SNX25: variants seen among roughly 807,000 people sequenced by gnomAD.
SNX25 encodes the protein sorting nexin-25.
In SNX25, 62 loss-of-function variants were observed where a neutral mutation model predicts 113.7. The observed-to-expected ratio is 0.55, with a 90% CI of 0.44 to 0.67. The LOEUF (loss-of-function observed/expected upper bound fraction) is 0.67. Among genes scored for constraint, SNX25 ranks in the 30% least tolerant of loss-of-function variants. The pLI, the probability that SNX25 is intolerant of heterozygous loss-of-function variation, is 0.00. For missense variants in SNX25, 1,014 were observed against 1,161.0 expected (o/e 0.87, Z 1.84); for synonymous variants, 421 against 436.2 (o/e 0.97, Z 0.43).
At chr4:185,289,629 G>T (rs1751869840) in intron 6 of SNX25, among the ~76,000 whole-genome samples, 1 of 152,178 alleles carries the variant, frequency 6.6e-6, no homozygotes. Context: ...GGGCTTTTGA[G>T]CTAAGGAGAC....
intron 1 of SNX25, among the ~76,000 whole-genome samples, chr4:185,244,651 TA>T (rs1744569530): frequency 6.6e-6 from 1 of 152,138 alleles, no homozygotes; most frequent in African/African-American, 2.4e-5. Flanking sequence ...TTTTATGCAT[TA>T]AATGTCTTTG....
chr4:185,206,623 C>T (rs1385643356), upstream of SNX25, among the ~76,000 whole-genome samples: 3 of 142,536 alleles, frequency 2.1e-5, no homozygotes, highest in South Asian at 2.2e-4. Flanking sequence ...TGCGCCATTG[C>T]ACTCCAGCCT....
intron 6 of SNX25, chr4:185,295,977 T>C (rs1752784615): frequency 6.6e-6 from 1 of 152,178 alleles, no homozygotes; most frequent in Non-Finnish European, 1.5e-5. Flanking sequence ...AATTTATTTC[T>C]TACTTATCTG....
At chr4:185,346,929 C>T (rs558407182) in intron 13 of SNX25, among the ~76,000 whole-genome samples, 44 of 152,344 alleles carry the variant, frequency 2.9e-4, no homozygotes, top group African/African-American at 9.1e-4. Flanking sequence ...TTCCTCCCAT[C>T]GCTGCAGCCC....
At chr4:185,212,964 T>C (rs1738186670) in intron 1 of SNX25, among the ~76,000 whole-genome samples, 2 of 152,216 alleles carry the variant, frequency 1.3e-5, no homozygotes, top group African/African-American at 4.8e-5. Context: ...CTTCCCTTGT[T>C]TTTTCTTCTT....
chr4:185,315,448 C>G (rs2095065810), intron 7 of SNX25, among the ~76,000 whole-genome samples: 1 of 151,752 alleles, frequency 6.6e-6, no homozygotes, highest in Non-Finnish European at 1.5e-5. Flanking sequence ...CGTGCACCAC[C>G]ACGCCCAGCT....
At chr4:185,374,176 C>G (rs182461835), downstream of SNX25, 1 of 1,614,068 alleles carries the variant, frequency 6.2e-7, no homozygotes, top group African/African-American at 1.3e-5. Context: ...TAATACAGCC[C>G]GAGCATACTT....
chr4:185,249,782 CT>C (rs1184556763), intron 2 of SNX25, among the ~76,000 whole-genome samples: 1 of 151,890 alleles, frequency 6.6e-6, no homozygotes, highest in Non-Finnish European at 1.5e-5. Flanking sequence ...CCATTTGGTT[CT>C]TTTTTTCTTG....
Position 185,369,227 on chromosome 4 carries a change from C to CTTTTTTT in SNX25, c.*1005-508_*1005-502dup, listed in dbSNP as rs35543353. On this transcript the variant is annotated intron_variant and NMD_transcript_variant, in intron 11 of 11. Coordinates refer to the SNX25 transcript ENST00000504959. ...TTGGAAATTGATGTAATACAGAGAG[C>CTTTTTTT]TTTTTTTTTTTTTTTTTTTTTGAGA... is the stretch of plus-strand genomic sequence containing the variant. Among the ~76,000 whole-genome samples the CTTTTTTT allele has an allele frequency of 4.0e-5, 4 of 100,930 alleles. 1 individual carries two copies. The highest frequency in any genetic ancestry group is 8.5e-5 in the African/African-American group (2 of 23,656). The allele number at this position is 100,930 out of a possible 152,430, so 66.2% of individuals were successfully genotyped here.
chr4:185,238,156 A>G (rs1299171295), intron 1 of SNX25, among the ~76,000 whole-genome samples: 1 of 151,402 alleles, frequency 6.6e-6, no homozygotes, highest in Admixed American at 6.6e-5. Context: ...GGCCCCTATC[A>G]TCTTTTTTTA....
chr4:185,277,344 A>C (rs1409365695), intron 5 of SNX25, among the ~76,000 whole-genome samples: 1 of 152,172 alleles, frequency 6.6e-6, no homozygotes, highest in Non-Finnish European at 1.5e-5. Flanking sequence ...TTAAAAAAGA[A>C]AAAAAGTGGT....
intron 2 of SNX25, among the ~76,000 whole-genome samples, 184 bp downstream of exon 2, chr4:185,247,562 A>C (rs907170269): frequency 6.6e-6 from 1 of 152,220 alleles, no homozygotes; most frequent in Non-Finnish European, 1.5e-5. Flanking sequence ...AGGGATTTAC[A>C]CGTTTGTTGA....
intron 6 of SNX25, among the ~76,000 whole-genome samples, chr4:185,288,377 A>G (rs968510832): frequency 4.6e-5 from 7 of 152,308 alleles, no homozygotes; most frequent in South Asian, 2.1e-4. Flanking sequence ...TAAACTAAAC[A>G]TGATTACATA....
intron 3 of SNX25, among the ~76,000 whole-genome samples, chr4:185,262,806 T>C (rs947427860): frequency 6.6e-6 from 1 of 152,170 alleles, no homozygotes; most frequent in East Asian, 1.9e-4. Flanking sequence ...AAACAAATGA[T>C]TGATCCACAC....
At chr4:185,240,245 C>G (rs914114007) in intron 1 of SNX25, among the ~76,000 whole-genome samples, 1 of 152,196 alleles carries the variant, frequency 6.6e-6, no homozygotes, top group Non-Finnish European at 1.5e-5. Flanking sequence ...ACAAAACCGC[C>G]ATTGTCATCA....
upstream of SNX25, among the ~76,000 whole-genome samples, chr4:185,206,583 G>A (rs558796294): frequency 4.0e-5 from 6 of 148,946 alleles, no homozygotes; most frequent in African/African-American, 1.2e-4. Context: ...CTCTTGAACC[G>A]GGGAGGCGGA....
intron 1 of SNX25, among the ~76,000 whole-genome samples, chr4:185,241,462 C>T (rs1197592117): frequency 1.8e-4 from 20 of 113,108 alleles, no homozygotes; most frequent in African/African-American, 4.7e-4. Flanking sequence ...TCGGGGAGAC[C>T]GTGGAAAGAG....
chr4:185,260,849 T>C (rs1471920489), intron 3 of SNX25, among the ~76,000 whole-genome samples: 1 of 151,922 alleles, frequency 6.6e-6, no homozygotes, highest in East Asian at 1.9e-4. Flanking sequence ...CAGGGAGGGG[T>C]GTGAATTAAT....
At chr4:185,225,062 T>A (rs1177875508) in intron 1 of SNX25, among the ~76,000 whole-genome samples, 3 of 151,950 alleles carry the variant, frequency 2.0e-5, no homozygotes, top group Non-Finnish European at 4.4e-5. Context: ...ACATATGAGA[T>A]CTATGTATTG....
Sources: gnomAD v4.1 joint callset for allele counts (sites outside exome capture counted in the v4.1 genomes callset) on GRCh38, gnomAD v4.1.1 for gene constraint, MANE v1.5 for transcripts, NCBI Gene and HGNC (gene_info 2026-07-23, HGNC 2026-07-21) for gene names.